The following ADAM19 variants were observed in gnomAD, a reference collection of about 807,000 sequenced individuals.
The protein encoded by ADAM19 is ADAM metallopeptidase domain 19.
Under a neutral mutation model 114.7 loss-of-function variants are expected in ADAM19, and 65 were observed. That is an observed-to-expected ratio of 0.57 (90% CI 0.46 to 0.70). The LOEUF is 0.70. Among genes scored for constraint, ADAM19 ranks in the 30% least tolerant of loss-of-function variants. The probability of loss-of-function intolerance (pLI) is 0.00; values close to 1 mark genes in which losing one functional copy is unlikely to be tolerated. For synonymous variants in ADAM19, 466 were observed against 460.5 expected (o/e 1.01, Z -0.15); for missense variants, 1,063 against 1,204.7 (o/e 0.88, Z 1.74).
chr5:157,516,538 A>G (rs1359240906), intron 7 of ADAM19, among the ~76,000 whole-genome samples: 1 of 152,164 alleles, frequency 6.6e-6, no homozygotes, highest in Non-Finnish European at 1.5e-5. Flanking sequence ...GAAAGCCTGC[A>G]CAGAGATTCC....
chr5:157,526,624 A>AT (rs34746765), intron 5 of ADAM19, among the ~76,000 whole-genome samples: 39,303 of 145,414 alleles, frequency 0.27, 5,565 homozygotes, highest in Middle Eastern at 0.39. Context: ...TATTGGTGTC[A>AT]TTTTTTTTTT....
chr5:157,524,695 CT>C lies in ADAM19; in HGVS notation c.408-4665del, dbSNP rs560493385. Among the ~76,000 whole-genome samples the C allele has an allele frequency of 6.7e-4, 102 of 152,312 alleles. 1 individual carries two copies. Among genetic ancestry groups the C allele is most frequent in the African/African-American group, 2.4e-3 (99 of 41,574 alleles). ...GAAGAGAAGGCTTGTAGGTCATGTACTTTCTCAAGGACAGGGTGCCCCCATA... is the reference window on the plus strand; with the variant it reads ...GAAGAGAAGGCTTGTAGGTCATGTACTTCTCAAGGACAGGGTGCCCCCATA... On this transcript the variant is annotated intron_variant, in intron 5 of 22. Coordinates refer to ENST00000257527, the MANE Select transcript of ADAM19 (RefSeq NM_033274.5).
chr5:157,488,288 CG>C lies in ADAM19; in HGVS notation c.2526del (p.Ala843HisfsTer71). On this transcript the variant is annotated frameshift_variant, in exon 21 of 23. Coordinates refer to ENST00000257527, the MANE Select transcript of ADAM19 (RefSeq NM_033274.5). LOFTEE classifies it high-confidence loss of function. Reference protein sequence around the residue: ...RRPPPSRPIPPAPNCIVSQDF... With the variant: ...RRPPPSRPIPXAPNCIVSQDF... ...ACCTGGGAAACGATGCAATTTGGTGCGGGGGGAATTGGCCGGCTTGGAGGAG... is the reference window on the plus strand; with the variant it reads ...ACCTGGGAAACGATGCAATTTGGTGCGGGGGAATTGGCCGGCTTGGAGGAG... 6.2e-7 allele frequency: 1 copy of C among 1,613,772 alleles called. No homozygotes were observed. Among genetic ancestry groups the C allele is most frequent in the South Asian group, 1.1e-5 (1 of 91,076 alleles).
intron 10 of ADAM19, among the ~76,000 whole-genome samples, chr5:157,506,071 A>G (rs1004052638): frequency 1.1e-4 from 16 of 152,316 alleles, no homozygotes; most frequent in African/African-American, 3.8e-4. Context: ...CAGACCAATA[A>G]ATGCTTTCAG....
intron 5 of ADAM19, among the ~76,000 whole-genome samples, chr5:157,522,650 C>G (rs1349907303): frequency 6.6e-6 from 1 of 152,096 alleles, no homozygotes; most frequent in Non-Finnish European, 1.5e-5. Context: ...GCCAGGCGTA[C>G]TGGCGGGTGC....
chr5:157,546,896 G>T lies in ADAM19; in HGVS notation c.252-8905C>A, dbSNP rs1757065714. 2.6e-5 allele frequency among the ~76,000 whole-genome samples: 4 copies of T among 152,184 alleles called. No homozygotes were observed. The South Asian group carries it at 8.3e-4, about 31-fold the overall frequency. On this transcript the variant is annotated intron_variant, in intron 3 of 22. Coordinates refer to ENST00000257527, the MANE Select transcript of ADAM19 (RefSeq NM_033274.5). ...TCCGGCCCAGCTCCACCTACTCAAT[G>T]ATATCATTGTTTTCAACAAAAGCCG... is the stretch of plus-strand genomic sequence containing the variant.
intron 20 of ADAM19, among the ~76,000 whole-genome samples, chr5:157,488,859 G>A (rs907931518): frequency 5.9e-5 from 9 of 151,988 alleles, no homozygotes; most frequent in African/African-American, 2.2e-4. Flanking sequence ...GTGAAACCCC[G>A]TCTCTATTAA....
At chr5:157,500,866 A>G (rs890055776) in intron 12 of ADAM19, among the ~76,000 whole-genome samples, 3 of 152,268 alleles carry the variant, frequency 2.0e-5, no homozygotes, top group East Asian at 3.9e-4. Flanking sequence ...TGAAAAGTGT[A>G]CGGGGCTCCA....
chr5:157,509,149 G>T, intron 9 of ADAM19, 152 bp downstream of exon 9: 1 of 663,288 alleles, frequency 1.5e-6, no homozygotes, highest in Non-Finnish European at 2.4e-6. Flanking sequence ...GGTACAGAGC[G>T]CATGTTTAGG....
chr5:157,533,268 C>G (rs1374018808), intron 4 of ADAM19, among the ~76,000 whole-genome samples: 1 of 152,208 alleles, frequency 6.6e-6, no homozygotes, highest in African/African-American at 2.4e-5. Context: ...ACAGAGCCAA[C>G]CCCTGTCTTT....
chr5:157,493,241 A>G, intron 15 of ADAM19, 64 bp from the exon 16 acceptor site: 1 of 1,551,266 alleles, frequency 6.4e-7, no homozygotes, highest in Non-Finnish European at 8.8e-7. Context: ...CTGGGGCACC[A>G]GAGAGCTTCA....
rs2113807955 is a variant in ADAM19 at position 157,575,680 on chromosome 5, C to T, written c.17G>A (p.Gly6Asp). 1.5e-6 allele frequency: 2 copies of T among 1,344,494 alleles called. No individual in the cohort carries two copies. The highest frequency in any genetic ancestry group is 3.1e-5 in the East Asian group (1 of 32,224). 83.3% of individuals were successfully genotyped at this position (1,344,494 alleles called of 1,614,324 possible). The change falls in exon 1 of 23, where the codon GGC becomes GAC. Residue 6 changes from glycine to aspartate, a missense_variant. Coordinates refer to ENST00000257527, the MANE Select transcript of ADAM19 (RefSeq NM_033274.5). MPGGA[G>D]AARLCLLAFA... ...CGCCAGCAAGCAGAGCCGGGCGGCG[C>T]CTGCGCCCCCTGGCATGGTGGCGGC...
chr5:157,513,305 G>T, intron 8 of ADAM19, 129 bp downstream of exon 8: 2 of 824,094 alleles, frequency 2.4e-6, no homozygotes, highest in Non-Finnish European at 2.0e-6. Context: ...ACCGCCCTGG[G>T]CCTCTATGGC....
rs756772612 is a variant in ADAM19, at chr5:157,489,173, C to T, written c.2254G>A (p.Val752Ile). The T allele has an allele frequency of 3.7e-6, 6 of 1,613,672 alleles. No individual in the cohort carries two copies. Among genetic ancestry groups the T allele is most frequent in the Admixed American group, 1.7e-5 (1 of 59,994 alleles). ...TGACCAGTCCCGCTGTTCTGAGAAA[C>T]CCTGAAGGGACAACTAGAAACAAGA... ...LRQQFSCPFR[V>I]SQNSGTGHAN... The change falls in exon 20 of 23, where the codon GTT becomes ATT. Residue 752 changes from valine to isoleucine, a missense_variant. This residue lies in a region of ADAM19 where 424 missense variants were observed against 445.5 expected (regional missense o/e 0.95). Coordinates refer to ENST00000257527, the MANE Select transcript of ADAM19 (RefSeq NM_033274.5).
At chr5:157,530,020 G>A (rs1357867718) in intron 5 of ADAM19, among the ~76,000 whole-genome samples, 1 of 152,154 alleles carries the variant, frequency 6.6e-6, no homozygotes, top group African/African-American at 2.4e-5. Flanking sequence ...GGAACCAAAT[G>A]CCCAAACTCA....
chr5:157,524,091 G>T (rs777195228), intron 5 of ADAM19, among the ~76,000 whole-genome samples: 5 of 152,256 alleles, frequency 3.3e-5, no homozygotes, highest in Non-Finnish European at 5.9e-5. Context: ...AGCACTGTCA[G>T]TGGACTGCAG....
At chr5:157,550,065 C>G (rs1260678982) in intron 3 of ADAM19, among the ~76,000 whole-genome samples, 1 of 152,176 alleles carries the variant, frequency 6.6e-6, no homozygotes, top group African/African-American at 2.4e-5. Context: ...CATCAGATTG[C>G]CAGCTTCATA....
At chr5:157,530,430 T>G (rs1264864861) in intron 5 of ADAM19, among the ~76,000 whole-genome samples, 2 of 152,038 alleles carry the variant, frequency 1.3e-5, no homozygotes, top group East Asian at 1.9e-4. Flanking sequence ...TTCTCCAGAC[T>G]CCCTCTGCCC....
At position 157,489,194 on chromosome 5, in the gene ADAM19, C is replaced by T. The variant is rs200701496; in HGVS notation, c.2241-8G>A. On this transcript the variant is annotated splice_polypyrimidine_tract_variant and splice_region_variant and intron_variant, in intron 19 of 22. Transcript: ENST00000257527. ...GAAACCCTGAAGGGACAACTAGAAA[C>T]AAGAAATGGGGGAGGAAAAGAAAGG... 4.8e-5 allele frequency: 77 copies of T among 1,607,536 alleles called. 1 individual carries two copies. In the East Asian group the frequency reaches 1.3e-3, roughly 28 times the overall value.
Sources: allele counts gnomAD v4.1 joint callset (sites outside exome capture counted in the v4.1 genomes callset), GRCh38; gene constraint gnomAD v4.1.1; regional missense constraint gnomAD v4.1.1; transcripts MANE v1.5; gene names NCBI Gene and HGNC (gene_info 2026-07-23, HGNC 2026-07-21).